The following DYNC2I1 variants were observed in gnomAD, a reference collection of about 807,000 sequenced individuals.
DYNC2I1 encodes cytoplasmic dynein 2 intermediate chain 1.
A neutral mutation model predicts 133.4 loss-of-function variants in DYNC2I1; 89 were observed. The ratio of observed to expected loss-of-function variants is 0.67; its 90% CI spans 0.56 to 0.80. The LOEUF (loss-of-function observed/expected upper bound fraction) is 0.80. Among genes scored for constraint, DYNC2I1 ranks in the 30% least tolerant of loss-of-function variants. The pLI is 0.00. For synonymous variants in DYNC2I1, 504 were observed against 484.3 expected (o/e 1.04, Z -0.54); for missense variants, 1,291 against 1,314.5 (o/e 0.98, Z 0.28).
intron 17 of DYNC2I1, among the ~76,000 whole-genome samples, chr7:158,924,875 C>G (rs762891801): frequency 6.6e-6 from 1 of 152,132 alleles, no homozygotes; most frequent in Non-Finnish European, 1.5e-5. Context: ...CTGCTTCAGA[C>G]TCCTGAGTAT....
At chr7:158,898,834 A>G (rs114654652) in intron 8 of DYNC2I1, among the ~76,000 whole-genome samples, 525 of 141,236 alleles carry the variant, frequency 3.7e-3, no homozygotes, top group African/African-American at 0.013. Flanking sequence ...TTATGATTCT[A>G]TTTTCTCTCC....
Position 158,922,374 on chromosome 7 carries a change from T to G in DYNC2I1, c.1922-3T>G. The G allele has an allele frequency of 1.9e-6, 3 of 1,612,966 alleles. No individual in the cohort carries two copies. Among genetic ancestry groups the G allele is most frequent in the Non-Finnish European group, 2.5e-6 (3 of 1,179,480 alleles). ...AATGTGAACATATTTTTCTTCTCCC[T>G]AGATCGAAAAGTATCCTCCTTGCAC... On this transcript the variant is annotated splice_region_variant and splice_polypyrimidine_tract_variant and intron_variant, in intron 15 of 24. Coordinates refer to ENST00000407559, the MANE Select transcript of DYNC2I1 (RefSeq NM_018051.5).
intron 20 of DYNC2I1, 59 bp downstream of exon 20, chr7:158,927,102 G>A (rs1325582255): frequency 6.9e-6 from 9 of 1,307,368 alleles, no homozygotes; most frequent in Middle Eastern, 2.5e-4. Context: ...GAGATTAAAA[G>A]TACTGATAAC....
rs1010117658 is a variant in DYNC2I1 at position 158,856,859 on chromosome 7, C to T, written c.15+109C>T. The T allele has an allele frequency of 9.3e-6, 11 of 1,185,928 alleles. No homozygotes were observed. In the African/African-American group the frequency reaches 1.4e-4, roughly 15 times the overall value. 73.5% of individuals were successfully genotyped at this position (1,185,928 alleles called of 1,614,324 possible). A position where few individuals can be genotyped will look rare whatever the true frequency, so the allele number is the denominator to read the frequency against. ...TCCCTTTGCGCAGCGGTTCTCTCGGCCGGGCCGGGGCTTCCCGGAGGAGCC... is the reference window on the plus strand; with the variant it reads ...TCCCTTTGCGCAGCGGTTCTCTCGGTCGGGCCGGGGCTTCCCGGAGGAGCC... On this transcript the variant is annotated intron_variant, in intron 1 of 24. Coordinates refer to ENST00000407559, the MANE Select transcript of DYNC2I1 (RefSeq NM_018051.5).
At chr7:158,879,048 G>A (rs1418297999) in intron 4 of DYNC2I1, among the ~76,000 whole-genome samples, 4 of 152,040 alleles carry the variant, frequency 2.6e-5, no homozygotes, top group Non-Finnish European at 4.4e-5. Flanking sequence ...CAGGAGGGCC[G>A]ACCGTGAGTG....
chr7:158,859,160 C>T (rs1841650492), intron 1 of DYNC2I1, among the ~76,000 whole-genome samples: 1 of 150,272 alleles, frequency 6.7e-6, no homozygotes, highest in Admixed American at 6.7e-5. Flanking sequence ...CATGCCTGGC[C>T]TGTCGCATAC....
At chr7:158,841,492 C>T in the DYNC2I1 span, among the ~76,000 whole-genome samples, 12 of 152,126 alleles carry the variant, frequency 7.9e-5, no homozygotes, top group Non-Finnish European at 1.5e-4. Flanking sequence ...GGATTACAGG[C>T]GTAAGCCACC....
chr7:158,910,412 G>C (rs572427197), intron 11 of DYNC2I1, among the ~76,000 whole-genome samples: 1 of 92,224 alleles, frequency 1.1e-5, no homozygotes. Context: ...ACCTGTGGGA[G>C]CGCGATTGGC....
chr7:158,863,201 A>T (rs1308318442), intron 1 of DYNC2I1, among the ~76,000 whole-genome samples: 1 of 151,912 alleles, frequency 6.6e-6, no homozygotes, highest in African/African-American at 2.4e-5. Flanking sequence ...TTAGCTAGAC[A>T]CAGAGTGCTG....
chr7:158,915,928 C>A (rs79012235), intron 14 of DYNC2I1, among the ~76,000 whole-genome samples: 2 of 115,002 alleles, frequency 1.7e-5, no homozygotes, highest in Non-Finnish European at 3.5e-5. Flanking sequence ...CGCTGGTTGA[C>A]ATTAAGGATG....
At chr7:158,845,417 G>T in the DYNC2I1 span, among the ~76,000 whole-genome samples, 2 of 152,102 alleles carry the variant, frequency 1.3e-5, no homozygotes, top group African/African-American at 2.4e-5. Context: ...GGAGGAACTG[G>T]CAACATTTTT....
chr7:158,891,365 A>G (rs1430926208), intron 8 of DYNC2I1, 32 bp downstream of exon 8: 7 of 1,613,518 alleles, frequency 4.3e-6, no homozygotes, highest in South Asian at 2.2e-5. Flanking sequence ...ATAGTTTGCA[A>G]TCCTGTCCCA....
intron 7 of DYNC2I1, among the ~76,000 whole-genome samples, chr7:158,889,627 T>C (rs141309090): frequency 6.6e-6 from 1 of 152,176 alleles, no homozygotes; most frequent in East Asian, 1.9e-4. Flanking sequence ...TGTATTTTTA[T>C]TGAAAAAAAT....
In DYNC2I1 at chr7:158,876,696, A is replaced by T; in HGVS notation, c.573+5A>T. 1 of 1,561,682 alleles carries T rather than the reference A, an allele frequency of 6.4e-7. No individual in the cohort carries two copies. Among genetic ancestry groups the T allele is most frequent in the South Asian group, 1.2e-5 (1 of 81,208 alleles). On this transcript the variant is annotated splice_donor_5th_base_variant and intron_variant, in intron 4 of 24. Coordinates refer to ENST00000407559, the MANE Select transcript of DYNC2I1 (RefSeq NM_018051.5). ...AGAAGATACCGAGAAAGAAAGGTAT[A>T]CGAAGCAAGGCCTGGGGAAAAGTTT... is the stretch of plus-strand genomic sequence containing the variant.
chr7:158,949,047 C>T (rs533710501), downstream of DYNC2I1, among the ~76,000 whole-genome samples: 215 of 152,312 alleles, frequency 1.4e-3, no homozygotes, highest in Middle Eastern at 0.014. Flanking sequence ...CGGGCAGCCT[C>T]TGCGCCCTGA....
downstream of DYNC2I1, among the ~76,000 whole-genome samples, chr7:158,947,217 C>G (rs561138962): frequency 6.6e-6 from 1 of 152,290 alleles, no homozygotes; most frequent in East Asian, 1.9e-4. Context: ...CACGCGGCCT[C>G]TCTCTGCATC....
chr7:158,875,175 A>G (rs1414640280), intron 3 of DYNC2I1, among the ~76,000 whole-genome samples: 9 of 137,660 alleles, frequency 6.5e-5, no homozygotes, highest in African/African-American at 2.5e-4. Context: ...GGCTCACTGC[A>G]TTCTCTGTCT....
intron 11 of DYNC2I1, among the ~76,000 whole-genome samples, chr7:158,910,934 T>A (rs1847390704): frequency 1.3e-5 from 2 of 149,978 alleles, no homozygotes; most frequent in African/African-American, 4.9e-5. Flanking sequence ...TGCGATTGGC[T>A]GTGTCAGGCT....
downstream of DYNC2I1, among the ~76,000 whole-genome samples, chr7:158,948,327 C>T (rs1380063906): frequency 2.0e-5 from 3 of 152,240 alleles, no homozygotes; most frequent in South Asian, 4.1e-4. Context: ...GCAGGCTGAG[C>T]GCTTTCTTCC....
Sources: allele counts gnomAD v4.1 joint callset (sites outside exome capture counted in the v4.1 genomes callset), GRCh38; gene constraint gnomAD v4.1.1; transcripts MANE v1.5; gene names NCBI Gene and HGNC (gene_info 2026-07-23, HGNC 2026-07-21).